The following GLRA2 variants were observed in gnomAD, a reference collection of about 807,000 sequenced individuals.
GLRA2 encodes glycine receptor alpha 2, also known as glycine receptor subunit alpha-2.
In GLRA2, 11 loss-of-function variants were observed where a neutral mutation model predicts 31.6. The observed-to-expected ratio is 0.35, with a 90% CI of 0.22 to 0.58. GLRA2 has a LOEUF of 0.58. Ranked by LOEUF, GLRA2 falls within the 20% of genes least tolerant of loss-of-function variation. The pLI is 0.84. For missense variants in GLRA2, 212 were observed against 351.8 expected, an observed-to-expected ratio of 0.60 and a Z score of 3.18; for synonymous variants, 132 against 134.0, an observed-to-expected ratio of 0.99 and a Z score of 0.10.
In GLRA2 at chrX:14,536,144, A is replaced by C. The variant is rs141029810; in HGVS notation, c.202+3772A>C. 4.7e-3 allele frequency among the ~76,000 whole-genome samples: 529 copies of C among 112,173 alleles called. 4 individuals are homozygous for C. Among genetic ancestry groups the C allele is most frequent in the African/African-American group, 0.016 (500 of 30,956 alleles). On this transcript the variant is annotated intron_variant, in intron 2 of 8. Transcript: ENST00000218075. ...GTTAGAAAGTGTAATGTGTGACATT[A>C]AAACCTACATTTGCCTGAAATATGT...
chrX:14,478,862 G>T, the GLRA2 span, among the ~76,000 whole-genome samples: 1 of 111,713 alleles, frequency 9.0e-6, no homozygotes, highest in African/African-American at 3.3e-5. Context: ...CTTTAAGATG[G>T]CCCCAATATT....
chrX:14,568,708 AAG>A (rs1569497761), intron 2 of GLRA2, among the ~76,000 whole-genome samples: 7 of 62,035 alleles, frequency 1.1e-4, no homozygotes, highest in African/African-American at 2.5e-4. Flanking sequence ...AAAAAAAAAA[AAG>A]AAAAGAAAAA....
intron 7 of GLRA2, among the ~76,000 whole-genome samples, chrX:14,628,985 T>G (rs1426937746): frequency 4.5e-5 from 5 of 110,968 alleles, no homozygotes; most frequent in Non-Finnish European, 5.7e-5. Context: ...AAGGGAGAGG[T>G]AGCTTAGGCG....
the GLRA2 span, among the ~76,000 whole-genome samples, chrX:14,455,560 C>T: frequency 9.0e-6 from 1 of 111,277 alleles, no homozygotes; most frequent in Non-Finnish European, 1.9e-5. Context: ...TTTCTTGTTG[C>T]CCCAAAATAT....
intron 3 of GLRA2, among the ~76,000 whole-genome samples, chrX:14,577,608 A>G (rs1391650050): frequency 8.9e-6 from 1 of 112,028 alleles, no homozygotes; most frequent in African/African-American, 3.2e-5. Context: ...TGGGTTACAG[A>G]CTGCTGACTT....
At chrX:14,704,320 T>C (rs2091589396) in intron 8 of GLRA2, among the ~76,000 whole-genome samples, 1 of 112,519 alleles carries the variant, frequency 8.9e-6, no homozygotes, top group Non-Finnish European at 1.9e-5. Flanking sequence ...CCTTGAACCT[T>C]CTTCTTTCAC....
intron 4 of GLRA2, among the ~76,000 whole-genome samples, chrX:14,592,656 A>C (rs991901331): frequency 4.5e-5 from 5 of 111,429 alleles, no homozygotes; most frequent in African/African-American, 1.3e-4. Flanking sequence ...TTGATGACAA[A>C]GTGAGACTCT....
At chrX:14,488,284 T>G in the GLRA2 span, among the ~76,000 whole-genome samples, 19 of 112,263 alleles carry the variant, frequency 1.7e-4, no homozygotes, top group African/African-American at 5.2e-4. Context: ...GGTGATACTT[T>G]ATCCTTAGGC....
intron 8 of GLRA2, among the ~76,000 whole-genome samples, chrX:14,714,464 G>A (rs1179377809): frequency 9.0e-6 from 1 of 111,578 alleles, no homozygotes; most frequent in Non-Finnish European, 1.9e-5. Flanking sequence ...ATTATGAGAA[G>A]AAATAAAGAA....
intron 7 of GLRA2, among the ~76,000 whole-genome samples, chrX:14,660,877 G>C (rs1601808982): frequency 8.9e-6 from 1 of 112,416 alleles, no homozygotes; most frequent in Non-Finnish European, 1.9e-5. Flanking sequence ...AGTAGAGTCA[G>C]TGAATAGGCA....
At position 14,730,549 on chromosome X, in the gene GLRA2, T is replaced by TTTCAC; in HGVS notation, c.*65_*66insTCACT. ...TTGTGCTTGTAAATACACAGTGAAA[T>TTTCAC]TGTCTTTATATCACTTTGACAGAGG... On this transcript the variant is annotated 3_prime_UTR_variant, in exon 9 of 9. Transcript: ENST00000218075. The TTTCAC allele has an allele frequency of 6.5e-6, 4 of 612,630 alleles. No homozygotes were observed. The highest frequency in any genetic ancestry group is 9.7e-6 in the Non-Finnish European group (4 of 414,347). 50.5% of individuals were successfully genotyped at this position (612,630 alleles called of 1,213,427 possible). A position where few individuals can be genotyped will look rare whatever the true frequency, so the allele number is the denominator to read the frequency against.
chrX:14,662,296 A>G (rs2090998927), intron 7 of GLRA2, among the ~76,000 whole-genome samples: 1 of 111,962 alleles, frequency 8.9e-6, no homozygotes, highest in Admixed American at 9.5e-5. Flanking sequence ...ACCTATTAAT[A>G]AAAATTCATG....
At chrX:14,452,932 A>AT in the GLRA2 span, among the ~76,000 whole-genome samples, 3 of 111,994 alleles carry the variant, frequency 2.7e-5, no homozygotes, top group African/African-American at 9.7e-5. Flanking sequence ...GCCTGAGACT[A>AT]GCACCTAGCA....
chrX:14,623,519 G>A (rs909347999), intron 7 of GLRA2, among the ~76,000 whole-genome samples: 6 of 111,149 alleles, frequency 5.4e-5, no homozygotes, highest in Admixed American at 9.6e-5. Flanking sequence ...TTTGAAATAC[G>A]TCCCATCAAT....
chrX:14,708,932 G>A (rs1290839654), intron 8 of GLRA2, among the ~76,000 whole-genome samples: 1 of 109,138 alleles, frequency 9.2e-6, no homozygotes, highest in Non-Finnish European at 1.9e-5. Flanking sequence ...GAGAAACTCC[G>A]TCTCCACACA....
At chrX:14,490,452 A>T in the GLRA2 span, among the ~76,000 whole-genome samples, 1 of 112,326 alleles carries the variant, frequency 8.9e-6, no homozygotes, top group Non-Finnish European at 1.9e-5. Flanking sequence ...AAACAGTTTA[A>T]AAATAGTACA....
At chrX:14,601,196 C>T (rs2090270349) in intron 4 of GLRA2, among the ~76,000 whole-genome samples, 1 of 111,249 alleles carries the variant, frequency 9.0e-6, no homozygotes, top group Non-Finnish European at 1.9e-5. Flanking sequence ...AACAATTTTT[C>T]CTGCCTAAAA....
the GLRA2 span, among the ~76,000 whole-genome samples, chrX:14,513,614 A>G: frequency 5.8e-4 from 65 of 112,123 alleles, 1 homozygote; most frequent in South Asian, 0.024. Flanking sequence ...GAACATGAAT[A>G]GACAATTCTC....
intron 7 of GLRA2, among the ~76,000 whole-genome samples, chrX:14,688,788 G>A (rs771835874): frequency 5.5e-5 from 6 of 110,072 alleles, no homozygotes; most frequent in African/African-American, 2.0e-4. Context: ...GCTCACGCTC[G>A]GTGGGCTGCA....
Sources: allele counts gnomAD v4.1 joint callset (sites outside exome capture counted in the v4.1 genomes callset), GRCh38; gene constraint gnomAD v4.1.1; transcripts MANE v1.5; gene names NCBI Gene and HGNC (gene_info 2026-07-23, HGNC 2026-07-21).